DCUN1D3: variants seen among roughly 807,000 people sequenced by gnomAD.
DCUN1D3 encodes DCN1-like protein 3.
Under a neutral mutation model 24.8 loss-of-function variants are expected in DCUN1D3, and 6 were observed. The ratio of observed to expected loss-of-function variants is 0.24; its 90% CI spans 0.13 to 0.48. The LOEUF (loss-of-function observed/expected upper bound fraction) is 0.48, where lower values mean the gene tolerates loss of function less well. Ranked by LOEUF, DCUN1D3 falls within the 20% of genes least tolerant of loss-of-function variation. The probability of loss-of-function intolerance (pLI) is 0.99; values close to 1 mark genes in which losing one functional copy is unlikely to be tolerated. For synonymous variants in DCUN1D3, 120 were observed against 144.9 expected (o/e 0.83, Z 1.24); for missense variants, 258 against 379.4 (o/e 0.68, Z 2.66).
At chr16:20,861,773 GA>G (rs1232583631) in intron 2 of DCUN1D3, among the ~76,000 whole-genome samples, 4 of 146,460 alleles carry the variant, frequency 2.7e-5, no homozygotes, top group Middle Eastern at 3.2e-3. Context: ...AAAAGAAAAA[GA>G]AAAAAAAAAC....
chr16:20,864,647 C>A (rs2081751773), intron 1 of DCUN1D3, among the ~76,000 whole-genome samples: 1 of 152,134 alleles, frequency 6.6e-6, no homozygotes, highest in African/African-American at 2.4e-5. Flanking sequence ...TGGGCATATA[C>A]CCAGATGAAT....
chr16:20,897,632 A>G (rs2081921755), intron 1 of DCUN1D3, among the ~76,000 whole-genome samples: 1 of 152,234 alleles, frequency 6.6e-6, no homozygotes, highest in Admixed American at 6.5e-5. Flanking sequence ...CAGTCCTTAA[A>G]TTCATACAGA....
chr16:20,860,692 C>T lies in DCUN1D3; in HGVS notation c.432-323G>A, dbSNP rs2081727821. Among the ~76,000 whole-genome samples, 2 of 152,292 alleles carry T rather than the reference C, an allele frequency of 1.3e-5. No individual in the cohort carries two copies. Among genetic ancestry groups the T allele is most frequent in the East Asian group, 1.9e-4 (1 of 5,172 alleles). ...GTCTCCTGCTCCCTGCCCTGTTTCC[C>T]GCTCTGCAATAGCGATTAAGCTGCG... On this transcript the variant is annotated intron_variant, in intron 2 of 2. Coordinates refer to ENST00000324344, the MANE Select transcript of DCUN1D3 (RefSeq NM_173475.4). This position sits in a 1 kb window ranked among gnomAD's most constrained non-coding sequence, Gnocchi z 4.3.
chr16:20,895,103 C>T (rs1195831845), intron 1 of DCUN1D3, among the ~76,000 whole-genome samples: 1 of 152,076 alleles, frequency 6.6e-6, no homozygotes, highest in Non-Finnish European at 1.5e-5. Flanking sequence ...TTGTATTTGG[C>T]TGTTGTTTTT....
intron 1 of DCUN1D3, among the ~76,000 whole-genome samples, chr16:20,864,504 A>C (rs1285524284): frequency 1.3e-5 from 2 of 152,118 alleles, no homozygotes; most frequent in African/African-American, 4.8e-5. Context: ...GGAGATGGTT[A>C]GGTTGTAGAG....
intron 2 of DCUN1D3, among the ~76,000 whole-genome samples, chr16:20,861,354 T>C (rs2081731465): frequency 6.8e-6 from 1 of 147,486 alleles, no homozygotes; most frequent in African/African-American, 2.5e-5. Flanking sequence ...CTTACCATAT[T>C]GGTACTCACA....
At chr16:20,875,375 C>G (rs1000284262) in intron 1 of DCUN1D3, among the ~76,000 whole-genome samples, 9 of 152,178 alleles carry the variant, frequency 5.9e-5, no homozygotes, top group Non-Finnish European at 1.3e-4. Context: ...ACCAGTTGCA[C>G]AGATATTGCA....
chr16:20,879,027 G>A (rs1236801055), intron 1 of DCUN1D3, among the ~76,000 whole-genome samples: 2 of 152,112 alleles, frequency 1.3e-5, no homozygotes, highest in South Asian at 2.1e-4. Flanking sequence ...CCCGCCCCCA[G>A]GCCCAGTTAT....
intron 1 of DCUN1D3, 74 bp from the exon 2 acceptor site, chr16:20,862,717 A>G: frequency 7.5e-7 from 1 of 1,338,782 alleles, no homozygotes; most frequent in Middle Eastern, 2.6e-4. Context: ...TAGGGTGCAC[A>G]CTGGTTCACC....
chr16:20,874,882 A>G (rs191105491), intron 1 of DCUN1D3, among the ~76,000 whole-genome samples: 5 of 152,062 alleles, frequency 3.3e-5, no homozygotes, highest in Admixed American at 1.3e-4. Flanking sequence ...CCCAGAGTAC[A>G]TTAACATGTG....
intron 1 of DCUN1D3, among the ~76,000 whole-genome samples, chr16:20,874,120 T>C (rs1481179698): frequency 1.3e-5 from 2 of 152,218 alleles, no homozygotes; most frequent in Non-Finnish European, 2.9e-5. Context: ...CACAGCTATG[T>C]CACTCAGATC....
chr16:20,879,893 G>C (rs1277358423), intron 1 of DCUN1D3, among the ~76,000 whole-genome samples: 1 of 152,218 alleles, frequency 6.6e-6, no homozygotes, highest in African/African-American at 2.4e-5. Flanking sequence ...AAAAGGCACA[G>C]TCATCTTTCT....
At chr16:20,875,334 T>G (rs1483538216) in intron 1 of DCUN1D3, among the ~76,000 whole-genome samples, 1 of 152,170 alleles carries the variant, frequency 6.6e-6, no homozygotes, top group Non-Finnish European at 1.5e-5. Flanking sequence ...TTGACTGTTC[T>G]GCAACCAACA....
intron 1 of DCUN1D3, among the ~76,000 whole-genome samples, chr16:20,871,454 T>A (rs1473402574): frequency 6.6e-6 from 1 of 152,248 alleles, no homozygotes; most frequent in African/African-American, 2.4e-5. Context: ...TTAGGTCACA[T>A]GACTAAGACC....
At chr16:20,865,919 C>T (rs2152516417) in intron 1 of DCUN1D3, among the ~76,000 whole-genome samples, 2 of 152,328 alleles carry the variant, frequency 1.3e-5, no homozygotes, top group East Asian at 3.9e-4. Flanking sequence ...CTGTCCCCTT[C>T]TCCACCCGCA....
intron 1 of DCUN1D3, among the ~76,000 whole-genome samples, chr16:20,897,664 G>A (rs1177191224): frequency 6.6e-6 from 1 of 152,162 alleles, no homozygotes; most frequent in Non-Finnish European, 1.5e-5. Flanking sequence ...AGGAGGATTC[G>A]TATACTAGAA....
chr16:20,881,846 G>A (rs151259119), intron 1 of DCUN1D3, among the ~76,000 whole-genome samples: 85 of 152,160 alleles, frequency 5.6e-4, no homozygotes, highest in Admixed American at 1.8e-3. Context: ...TCTGTCACGC[G>A]TGCTGGAGTG....
chr16:20,898,800 A>G (rs981229549), intron 1 of DCUN1D3, among the ~76,000 whole-genome samples: 5 of 152,240 alleles, frequency 3.3e-5, no homozygotes, highest in African/African-American at 1.2e-4. Flanking sequence ...TTCAGATTCT[A>G]CAAAAGATTT....
chr16:20,895,000 T>C (rs900281071), intron 1 of DCUN1D3, among the ~76,000 whole-genome samples: 1 of 151,890 alleles, frequency 6.6e-6, no homozygotes, highest in African/African-American at 2.4e-5. Flanking sequence ...GTCAAAAATA[T>C]TTGGAAAAAA....
Sources: gnomAD v4.1 joint callset for allele counts (sites outside exome capture counted in the v4.1 genomes callset) on GRCh38, gnomAD v4.1.1 for gene constraint, Gnocchi (gnomAD v3.1) non-coding constraint, MANE v1.5 for transcripts, NCBI Gene and HGNC (gene_info 2026-07-23, HGNC 2026-07-21) for gene names.